Variants in WDR47 observed in about 807,000 individuals in gnomAD.
WDR47 encodes the protein WD repeat-containing protein 47.
Under a neutral mutation model 97.2 loss-of-function variants are expected in WDR47, and 32 were observed. That is an observed-to-expected ratio of 0.33 (90% CI 0.25 to 0.44). WDR47 has a LOEUF of 0.44. Among genes scored for constraint, WDR47 ranks in the 20% least tolerant of loss-of-function variants. The pLI, the probability that WDR47 is intolerant of heterozygous loss-of-function variation, is 1.00. For synonymous variants in WDR47, 375 were observed against 373.5 expected (o/e 1.00, Z -0.05); for missense variants, 782 against 1,102.3 (o/e 0.71, Z 4.11).
chr1:108,981,930 A>T (rs1658375128), intron 12 of WDR47, 66 bp from the exon 13 acceptor site: 1 of 1,544,426 alleles, frequency 6.5e-7, no homozygotes, highest in South Asian at 1.2e-5. Context: ...ATTCAAAGCT[A>T]AGCACTCTAG....
chr1:109,041,800 G>A (rs1237874658), intron 1 of WDR47, 62 bp downstream of exon 1: 2 of 152,314 alleles, frequency 1.3e-5, no homozygotes, highest in African/African-American at 2.4e-5. Context: ...GGCGACGGGT[G>A]ACCATGGCAA....
At position 108,992,473 on chromosome 1, in the gene WDR47, TG is replaced by T. The variant is rs1177425928; in HGVS notation, c.1692-1145del. On this transcript the variant is annotated intron_variant, in intron 8 of 14. Transcript: ENST00000369962. ...AGTGTGTACCATTCCGACGTTACAA[TG>T]GTGGAGTTGGCAGGTGTGCGCAGGC... is the stretch of plus-strand genomic sequence containing the variant. 42 of 1,539,354 alleles carry T rather than the reference TG, an allele frequency of 2.7e-5. No homozygotes were observed. In the Admixed American group the frequency reaches 7.0e-4, roughly 26 times the overall value.
chr1:108,998,122 G>A (rs566023130), intron 7 of WDR47, among the ~76,000 whole-genome samples: 3 of 150,458 alleles, frequency 2.0e-5, no homozygotes, highest in South Asian at 2.1e-4. Context: ...CTTGTGAAAT[G>A]TACATATATC....
At position 109,003,065 on chromosome 1, in the gene WDR47, C is replaced by T. The variant is rs149225667; in HGVS notation, c.1255-663G>A. On this transcript the variant is annotated intron_variant, in intron 6 of 14. Transcript: ENST00000369962. ...TTATCGCAGCACAATTCCCAGTAGC[C>T]CTAACATATAGTACTAAAAAAATGT... Among the ~76,000 whole-genome samples the T allele has an allele frequency of 6.1e-3, 936 of 152,216 alleles. 2 individuals are homozygous for T. Among genetic ancestry groups the T allele is most frequent in the African/African-American group, 0.021 (863 of 41,522 alleles).
At chr1:109,012,757 A>C (rs1348701983) in intron 4 of WDR47, among the ~76,000 whole-genome samples, 3 of 152,098 alleles carry the variant, frequency 2.0e-5, no homozygotes, top group Non-Finnish European at 2.9e-5. Context: ...TCTAGCCACC[A>C]TATCTTACAT....
Position 108,982,733 on chromosome 1 carries a change from C to T in WDR47, c.2142G>A (p.Leu714=). ...CGCTTTCTGGGCCTTCCATAAATGC[C>T]AAGTCTCTAATTGTTCCATCATGCA... is the stretch of plus-strand genomic sequence containing the variant. ...FSMHDGTIRD[L]AFMEGPESGG... is the part of the protein sequence containing the mutation. Residue 714 remains leucine, a synonymous_variant, in exon 12 of 15, where the codon TTG becomes TTA. Transcript: ENST00000369962. The T allele has an allele frequency of 6.2e-7, 1 of 1,613,674 alleles. No homozygotes were observed.
chr1:109,030,612 C>CAGAAAAGGTAAAGA (rs1274932788), intron 1 of WDR47, among the ~76,000 whole-genome samples: 2 of 142,048 alleles, frequency 1.4e-5, no homozygotes, highest in African/African-American at 2.5e-5. Context: ...CTTTAATCTT[C>CAGAAAAGGTAAAGA]CAAGTATTAC....
intron 8 of WDR47, among the ~76,000 whole-genome samples, 194 bp from the exon 9 acceptor site, chr1:108,991,523 A>C (rs2101859446): frequency 6.6e-6 from 1 of 152,326 alleles, no homozygotes; most frequent in South Asian, 2.1e-4. Flanking sequence ...AGGAGATGAA[A>C]AGCCATTCTG....
In WDR47 at chr1:109,010,890, C is replaced by A. The variant is rs780954528; in HGVS notation, c.1130+26G>T. On this transcript the variant is annotated intron_variant, in intron 5 of 14. Coordinates refer to ENST00000369962, the MANE Select transcript of WDR47 (RefSeq NM_001142551.2). ...AGCCACTGCACCCGGCCTAAGATTT[C>A]CTAATTTTTATAACCAAATGCTTAC... The A allele has an allele frequency of 2.5e-6, 4 of 1,581,716 alleles. No homozygotes were observed. In the East Asian group the frequency reaches 9.0e-5, roughly 35 times the overall value.
intron 14 of WDR47, among the ~76,000 whole-genome samples, chr1:108,973,520 G>C (rs1223555222): frequency 6.6e-6 from 1 of 152,090 alleles, no homozygotes; most frequent in African/African-American, 2.4e-5. Flanking sequence ...TAGATACTAA[G>C]ACCTAATTAC....
At chr1:108,971,600 C>A in intron 14 of WDR47, 28 bp from the exon 15 acceptor site, 6 of 1,613,550 alleles carry the variant, frequency 3.7e-6, no homozygotes, top group Non-Finnish European at 5.1e-6. Context: ...TGTTGATTTA[C>A]AATGCAAAAT....
chr1:109,006,748 T>G (rs1272006216), intron 5 of WDR47, among the ~76,000 whole-genome samples: 1 of 152,218 alleles, frequency 6.6e-6, no homozygotes, highest in Non-Finnish European at 1.5e-5. Context: ...TGCCAGTCCA[T>G]GCCTGAAATA....
intron 1 of WDR47, among the ~76,000 whole-genome samples, chr1:109,028,687 G>C (rs1050048336): frequency 6.6e-6 from 1 of 150,442 alleles, no homozygotes; most frequent in South Asian, 2.1e-4. Flanking sequence ...TCCTGATCTC[G>C]TCATCCGCCC....
intron 11 of WDR47, 67 bp from the exon 12 acceptor site, chr1:108,982,846 TA>T: frequency 6.7e-7 from 1 of 1,494,870 alleles, no homozygotes; most frequent in Non-Finnish European, 9.0e-7. Context: ...TTGAGATTGC[TA>T]AACTACCTCA....
In WDR47 at chr1:108,971,493, C is replaced by T. The variant is rs139179400; in HGVS notation, c.2697G>A (p.Gln899=). 4,191 of 1,614,162 alleles carry T rather than the reference C, an allele frequency of 2.6e-3. 8 individuals are homozygous for T. The highest frequency in any genetic ancestry group is 3.3e-3 in the Non-Finnish European group (3,849 of 1,180,018). Residue 899 remains glutamine (Q), a synonymous_variant, in exon 15 of 15, where the codon CAG becomes CAA. Coordinates refer to ENST00000369962, the MANE Select transcript of WDR47 (RefSeq NM_001142551.2). The part of the protein sequence containing the change: ...DKVIQCRWHT[Q]DLSFLSSSAD... ...CAGAGGATGACAGGAAGGAAAGATC[C>T]TGGGTGTGCCATCTGCACTGAATCA...
intron 1 of WDR47, among the ~76,000 whole-genome samples, chr1:109,033,642 C>T (rs1557966481): frequency 6.6e-6 from 1 of 152,178 alleles, no homozygotes; most frequent in Non-Finnish European, 1.5e-5. Flanking sequence ...AACTGGGGAC[C>T]AGATGTGGTG....
intron 1 of WDR47, among the ~76,000 whole-genome samples, chr1:109,033,836 T>G (rs915924319): frequency 6.6e-6 from 1 of 151,634 alleles, no homozygotes; most frequent in African/African-American, 2.4e-5. Context: ...GGAGAATTGC[T>G]TGAACCAGGG....
chr1:108,982,787 A>G lies in WDR47; in HGVS notation c.2096-8T>C. On this transcript the variant is annotated splice_region_variant and splice_polypyrimidine_tract_variant and intron_variant, in intron 11 of 14. Transcript: ENST00000369962. ...TAAATTCCAGATCTGGTCCTGAAACAGTAGTAAGAATTAAAAAAAAAAAAT... is the reference window on the plus strand; with the variant it reads ...TAAATTCCAGATCTGGTCCTGAAACGGTAGTAAGAATTAAAAAAAAAAAAT... 6.3e-7 allele frequency: 1 copy of G among 1,589,934 alleles called. No homozygotes were observed. The highest frequency in any genetic ancestry group is 8.5e-7 in the Non-Finnish European group (1 of 1,173,724).
chr1:109,031,755 C>A (rs1317657267), intron 1 of WDR47, among the ~76,000 whole-genome samples: 1 of 134,998 alleles, frequency 7.4e-6, no homozygotes, highest in East Asian at 2.2e-4. Flanking sequence ...CCCAAGACCT[C>A]TTCTCAGATC....
Sources: gnomAD v4.1 joint callset for allele counts (sites outside exome capture counted in the v4.1 genomes callset) on GRCh38, gnomAD v4.1.1 for gene constraint, MANE v1.5 for transcripts, NCBI Gene and HGNC (gene_info 2026-07-23, HGNC 2026-07-21) for gene names.